Variants in ATP9A observed in about 807,000 individuals in gnomAD.
The protein encoded by ATP9A is probable phospholipid-transporting ATPase IIA.
ATP9A carries 52 observed loss-of-function variants against 144.1 expected under a neutral mutation model. The ratio of observed to expected loss-of-function variants is 0.36; its 90% CI spans 0.29 to 0.45. The LOEUF is 0.45. ATP9A is among the 20% of genes least tolerant of loss of function. ATP9A has a pLI of 1.00. For missense variants in ATP9A, 947 were observed against 1,392.7 expected (o/e 0.68, Z 5.09); for synonymous variants, 582 against 557.4 (o/e 1.04, Z -0.62).
chr20:51,768,338 C>A lies in ATP9A; in HGVS notation c.32G>T (p.Arg11Leu). 1 of 1,309,186 alleles carries A rather than the reference C, an allele frequency of 7.6e-7. No individual in the cohort carries two copies. Among genetic ancestry groups the A allele is most frequent in the Non-Finnish European group, 9.8e-7 (1 of 1,018,776 alleles). The allele number at this position is 1,309,186 out of a possible 1,614,324, so 81.1% of individuals were successfully genotyped here. Residue 11 changes from arginine (R) to leucine (L), a missense_variant, in exon 1 of 28, where the codon CGC becomes CTC. This residue lies in a region of ATP9A where 770 missense variants were observed against 1,047.9 expected (regional missense o/e 0.73). Transcript: ENST00000338821. MTDNIPLQPV[R>L]QKKRMDSRPR... ...CCTGCTGTCCATCCGCTTCTTCTGG[C>A]GCACCGGCTGCAGCGGGATGTTGTC...
In ATP9A at chr20:51,614,105, G is replaced by A. The variant is rs550545996; in HGVS notation, c.2416-273C>T. Among the ~76,000 whole-genome samples, 39 of 152,280 alleles carry A rather than the reference G, an allele frequency of 2.6e-4. 1 individual carries two copies. Among genetic ancestry groups the A allele is most frequent in the African/African-American group, 9.1e-4 (38 of 41,548 alleles). On this transcript the variant is annotated intron_variant, in intron 22 of 27. Transcript: ENST00000338821. The stretch of plus-strand genomic sequence containing the variant: ...TTTGGGAGTTCAGCCCACCCCATAA[G>A]TAGCAAAGAATCATTTAAAAATAGA...
intron 1 of ATP9A, among the ~76,000 whole-genome samples, chr20:51,764,268 T>C (rs915708863): frequency 7.2e-5 from 11 of 152,246 alleles, no homozygotes; most frequent in African/African-American, 2.7e-4. Flanking sequence ...TCCTGCGTCC[T>C]GGCTCCTAAC....
intron 17 of ATP9A, among the ~76,000 whole-genome samples, chr20:51,627,101 C>T (rs115553073): frequency 1.1e-3 from 169 of 148,054 alleles, no homozygotes; most frequent in African/African-American, 4.1e-3. Context: ...ATAAGAAGAA[C>T]AAACCAGACT....
chr20:51,628,315 G>A (rs1035574442), intron 16 of ATP9A, among the ~76,000 whole-genome samples: 8 of 152,134 alleles, frequency 5.3e-5, no homozygotes, highest in East Asian at 1.9e-4. Flanking sequence ...AACTGTCCAC[G>A]TCACAAACTG....
At chr20:51,617,366 CAT>C (rs1468151092) in intron 22 of ATP9A, 122 bp downstream of exon 22, 24 of 1,006,946 alleles carry the variant, frequency 2.4e-5, no homozygotes, top group Non-Finnish European at 3.0e-5. Flanking sequence ...AACTGTGACA[CAT>C]GATTCCTTAT....
chr20:51,689,343 A>G (rs1181012361), intron 8 of ATP9A, among the ~76,000 whole-genome samples: 1 of 152,122 alleles, frequency 6.6e-6, no homozygotes, highest in East Asian at 1.9e-4. Flanking sequence ...TCCCACAGAA[A>G]TATGTGAAAA....
chr20:51,708,710 TG>T (rs1432264135), intron 4 of ATP9A, among the ~76,000 whole-genome samples: 3 of 152,176 alleles, frequency 2.0e-5, no homozygotes, highest in African/African-American at 7.2e-5. Flanking sequence ...CACTCTAGCC[TG>T]GGCGACAGAG....
At chr20:51,758,755 T>G (rs1015874367) in intron 1 of ATP9A, among the ~76,000 whole-genome samples, 43 of 152,108 alleles carry the variant, frequency 2.8e-4, no homozygotes, top group Admixed American at 2.4e-3. Context: ...TGAAACCCCG[T>G]CTCTACTAAA....
At chr20:51,657,426 CTGGGGTGG>C (rs2077391959) in intron 13 of ATP9A, among the ~76,000 whole-genome samples, 1 of 152,064 alleles carries the variant, frequency 6.6e-6, no homozygotes. Context: ...TCTATCCTCC[CTGGGGTGG>C]TGTCGGGGGC....
intron 1 of ATP9A, among the ~76,000 whole-genome samples, chr20:51,746,346 A>C (rs2077808044): frequency 6.6e-6 from 1 of 152,246 alleles, no homozygotes; most frequent in African/African-American, 2.4e-5. Flanking sequence ...TCATTCACTT[A>C]ACTGATTGAA....
chr20:51,740,349 C>T (rs1205486591), intron 1 of ATP9A, among the ~76,000 whole-genome samples: 2 of 151,000 alleles, frequency 1.3e-5, no homozygotes, highest in East Asian at 2.0e-4. Context: ...TGAGCCACCA[C>T]GCCCCAGCCA....
chr20:51,610,859 T>G (rs900988726), intron 23 of ATP9A, among the ~76,000 whole-genome samples: 1 of 152,204 alleles, frequency 6.6e-6, no homozygotes, highest in Non-Finnish European at 1.5e-5. Flanking sequence ...AAGAGCATGG[T>G]GACAGATTAT....
intron 1 of ATP9A, among the ~76,000 whole-genome samples, chr20:51,767,204 G>C (rs1057470399): frequency 6.6e-6 from 1 of 151,982 alleles, no homozygotes; most frequent in East Asian, 1.9e-4. Flanking sequence ...TGCCCAGAGA[G>C]GACCAGACGC....
intron 15 of ATP9A, among the ~76,000 whole-genome samples, chr20:51,637,454 A>C (rs1030883998): frequency 6.6e-6 from 1 of 152,094 alleles, no homozygotes; most frequent in African/African-American, 2.4e-5. Context: ...CCCCTGTTCT[A>C]ACCCACAGGG....
intron 1 of ATP9A, among the ~76,000 whole-genome samples, chr20:51,756,006 A>C (rs938970357): frequency 6.6e-6 from 1 of 152,204 alleles, no homozygotes. Context: ...TTAATTTCAA[A>C]TAAAAGCTTA....
chr20:51,626,248 G>C (rs750891329), intron 17 of ATP9A, among the ~76,000 whole-genome samples: 19 of 152,222 alleles, frequency 1.2e-4, no homozygotes, highest in Non-Finnish European at 2.8e-4. Flanking sequence ...CAGCACTCTA[G>C]AAGACCGAGG....
At chr20:51,628,907 C>G (rs1601067228) in intron 16 of ATP9A, 73 bp downstream of exon 16, 1 of 1,323,422 alleles carries the variant, frequency 7.6e-7, no homozygotes, top group South Asian at 1.2e-5. Flanking sequence ...CAGAGACCCA[C>G]CTTACCATGC....
rs1316442518 is a variant in ATP9A, at chr20:51,616,003, ATTTT to A, written c.2415+1483_2415+1486del. Among the ~76,000 whole-genome samples the A allele has an allele frequency of 1.3e-5, 2 of 152,178 alleles. 1 individual carries two copies. The highest frequency in any genetic ancestry group is 2.9e-5 in the Non-Finnish European group (2 of 68,046). ...CAAGAAACAAAGGAACCAGAATACC[ATTTT>A]TAATAGAAGGGAAAATGCTTTAATT... On this transcript the variant is annotated intron_variant, in intron 22 of 27. Coordinates refer to ENST00000338821, the MANE Select transcript of ATP9A (RefSeq NM_006045.3).
At chr20:51,763,663 A>G (rs2077892113) in intron 1 of ATP9A, among the ~76,000 whole-genome samples, 2 of 152,140 alleles carry the variant, frequency 1.3e-5, no homozygotes, top group Admixed American at 1.3e-4. Flanking sequence ...ACTTCAATAA[A>G]GCTGTTTAAA....
Sources: allele counts gnomAD v4.1 joint callset (sites outside exome capture counted in the v4.1 genomes callset), GRCh38; gene constraint gnomAD v4.1.1; regional missense constraint gnomAD v4.1.1; transcripts MANE v1.5; gene names NCBI Gene and HGNC (gene_info 2026-07-23, HGNC 2026-07-21).